Variants in CAMK2D observed in about 807,000 individuals in gnomAD.
CAMK2D encodes the protein calcium/calmodulin dependent protein kinase II delta, also known as calcium/calmodulin-dependent protein kinase type II subunit delta.
Under a neutral mutation model 84.0 loss-of-function variants are expected in CAMK2D, and 37 were observed. The ratio of observed to expected loss-of-function variants is 0.44; its 90% confidence interval spans 0.34 to 0.58. CAMK2D has a LOEUF of 0.58. Among genes scored for constraint, CAMK2D ranks in the 20% least tolerant of loss-of-function variants. CAMK2D has a pLI of 0.02. For synonymous variants in CAMK2D, 202 were observed against 212.5 expected (o/e 0.95, Z 0.43); for missense variants, 448 against 652.5 (o/e 0.69, Z 3.41).
At chr4:113,727,277 C>T (rs1407853127) in intron 2 of CAMK2D, among the ~76,000 whole-genome samples, 1 of 152,024 alleles carries the variant, frequency 6.6e-6, no homozygotes, top group East Asian at 1.9e-4. Context: ...ATAGATAAAA[C>T]TAGCTTGAAA....
At chr4:113,690,263 G>A (rs1593077378) in intron 2 of CAMK2D, among the ~76,000 whole-genome samples, 1 of 152,136 alleles carries the variant, frequency 6.6e-6, no homozygotes, top group African/African-American at 2.4e-5. Context: ...TACTGAAGAT[G>A]TTGGTAAAAT....
At chr4:113,540,622 A>G (rs138642230) in intron 6 of CAMK2D, among the ~76,000 whole-genome samples, 1 of 152,348 alleles carries the variant, frequency 6.6e-6, no homozygotes, top group East Asian at 1.9e-4. Flanking sequence ...TTATAAGGGT[A>G]CTAAATTATA....
At chr4:113,556,659 G>A (rs899145958) in intron 4 of CAMK2D, among the ~76,000 whole-genome samples, 1 of 152,138 alleles carries the variant, frequency 6.6e-6, no homozygotes, top group Non-Finnish European at 1.5e-5. Flanking sequence ...CAACCAGTGT[G>A]CCAAGTCCAT....
chr4:113,676,934 A>G (rs1392268945), intron 2 of CAMK2D, among the ~76,000 whole-genome samples: 2 of 152,138 alleles, frequency 1.3e-5, no homozygotes, highest in African/African-American at 4.8e-5. Flanking sequence ...GTTGTATTAA[A>G]TCAATTCCTG....
chr4:113,548,487 T>C (rs1368116282), intron 5 of CAMK2D, among the ~76,000 whole-genome samples: 1 of 152,182 alleles, frequency 6.6e-6, no homozygotes, highest in African/African-American at 2.4e-5. Flanking sequence ...ATTTAGCCTG[T>C]AGATGAGCAA....
chr4:113,506,309 TTACTGG>T (rs1239874955), intron 13 of CAMK2D, among the ~76,000 whole-genome samples: 1 of 152,200 alleles, frequency 6.6e-6, no homozygotes, highest in Non-Finnish European at 1.5e-5. Context: ...TTTTGTCTGA[TTACTGG>T]TATCGTTATT....
chr4:113,498,202 T>C (rs1480405915), intron 16 of CAMK2D, among the ~76,000 whole-genome samples: 2 of 152,188 alleles, frequency 1.3e-5, no homozygotes, highest in Non-Finnish European at 2.9e-5. Flanking sequence ...ATTATTCACA[T>C]ATAGGGTCTT....
chr4:113,735,288 GGA>G lies in CAMK2D; in HGVS notation c.160+24030_160+24031del, dbSNP rs1491161977. Among the ~76,000 whole-genome samples, 299 of 58,978 alleles carry G rather than the reference GGA, an allele frequency of 5.1e-3. 43 individuals carry two copies. The highest frequency in any genetic ancestry group is 0.016 in the African/African-American group (280 of 17,256). The allele number at this position is 58,978 out of a possible 152,430, so 38.7% of individuals were successfully genotyped here. A position where few individuals can be genotyped will look rare whatever the true frequency, so the allele number is the denominator to read the frequency against. On this transcript the variant is annotated intron_variant, in intron 2 of 20. Coordinates refer to ENST00000511664, the MANE Select transcript of CAMK2D (RefSeq NM_001321571.2). ...CCAACATGGCAAAACCATCTCTACAGGAAAAAAAAAAAAAAAAAAAAAAAAAA... is the reference window on the plus strand; with the variant it reads ...CCAACATGGCAAAACCATCTCTACAGAAAAAAAAAAAAAAAAAAAAAAAAA...
chr4:113,698,903 G>C (rs1387811125), intron 2 of CAMK2D, among the ~76,000 whole-genome samples: 2 of 152,094 alleles, frequency 1.3e-5, no homozygotes, highest in African/African-American at 4.8e-5. Context: ...AGGACGCCAG[G>C]GGTGGAGAAG....
At chr4:113,579,834 A>C (rs2098800056) in intron 4 of CAMK2D, among the ~76,000 whole-genome samples, 1 of 152,218 alleles carries the variant, frequency 6.6e-6, no homozygotes, top group Non-Finnish European at 1.5e-5. Context: ...TTTATTAAAA[A>C]CCAGAAAAAG....
At chr4:113,585,078 G>A (rs1391305883) in intron 4 of CAMK2D, among the ~76,000 whole-genome samples, 2 of 152,100 alleles carry the variant, frequency 1.3e-5, no homozygotes, top group Admixed American at 1.3e-4. Flanking sequence ...CTTATTTTTA[G>A]TAGCTGGTAG....
chr4:113,494,603 G>T (rs1443962182), intron 16 of CAMK2D, among the ~76,000 whole-genome samples: 5 of 152,234 alleles, frequency 3.3e-5, no homozygotes, highest in Non-Finnish European at 7.3e-5. Flanking sequence ...GTTTGTCTGT[G>T]TCCTGCCCCC....
chr4:113,543,954 G>T (rs544347405), intron 6 of CAMK2D, among the ~76,000 whole-genome samples: 1 of 151,762 alleles, frequency 6.6e-6, no homozygotes, highest in Non-Finnish European at 1.5e-5. Flanking sequence ...ACCACGCCCC[G>T]CTAATTTTTT....
At chr4:113,507,631 T>C (rs534997733) in intron 13 of CAMK2D, among the ~76,000 whole-genome samples, 1 of 152,286 alleles carries the variant, frequency 6.6e-6, no homozygotes, top group South Asian at 2.1e-4. Flanking sequence ...TATTTTATGT[T>C]AATAGAAGCA....
intron 2 of CAMK2D, among the ~76,000 whole-genome samples, chr4:113,709,980 T>C (rs1021586277): frequency 6.6e-6 from 1 of 151,138 alleles, no homozygotes; most frequent in Non-Finnish European, 1.5e-5. Context: ...TTTGATTCTG[T>C]TATGAGAAAC....
At chr4:113,523,772 G>A (rs1469206028) in intron 8 of CAMK2D, among the ~76,000 whole-genome samples, 1 of 151,024 alleles carries the variant, frequency 6.6e-6, no homozygotes, top group Non-Finnish European at 1.5e-5. Flanking sequence ...ACCCTGTCTC[G>A]AAATAAATAA....
intron 3 of CAMK2D, among the ~76,000 whole-genome samples, chr4:113,614,335 T>G (rs1249801668): frequency 6.6e-6 from 1 of 152,174 alleles, no homozygotes. Context: ...TCAATTACAT[T>G]GGTGGACCCC....
intron 12 of CAMK2D, among the ~76,000 whole-genome samples, chr4:113,511,661 T>C (rs759662751): frequency 6.6e-6 from 1 of 152,242 alleles, no homozygotes; most frequent in Non-Finnish European, 1.5e-5. Flanking sequence ...GATATGGCAT[T>C]GAACTCACCC....
chr4:113,564,265 C>T (rs563882263), intron 4 of CAMK2D, among the ~76,000 whole-genome samples: 1 of 152,272 alleles, frequency 6.6e-6, no homozygotes, highest in East Asian at 1.9e-4. Flanking sequence ...TAACGTGGCA[C>T]ACTCTTACTG....
Sources: allele counts gnomAD v4.1 joint callset (sites outside exome capture counted in the v4.1 genomes callset), GRCh38; gene constraint gnomAD v4.1.1; transcripts MANE v1.5; gene names NCBI Gene and HGNC (gene_info 2026-07-23, HGNC 2026-07-21).